Variants in NEK1 observed in about 807,000 individuals in gnomAD.
NEK1 encodes NIMA related kinase 1, also known as serine/threonine-protein kinase Nek1.
In NEK1, 137 loss-of-function variants were observed where a neutral mutation model predicts 182.1. The observed-to-expected ratio is 0.75, with a 90% confidence interval of 0.65 to 0.87. The LOEUF is 0.87. Among genes scored for constraint, NEK1 ranks in the 40% least tolerant of loss-of-function variants. The pLI is 0.00. For synonymous variants in NEK1, 513 were observed against 492.2 expected (o/e 1.04, Z -0.56); for missense variants, 1,391 against 1,494.4 (o/e 0.93, Z 1.14).
At chr4:169,434,175 A>T (rs1036979727) in intron 28 of NEK1, among the ~76,000 whole-genome samples, 5 of 151,964 alleles carry the variant, frequency 3.3e-5, no homozygotes, top group Non-Finnish European at 7.4e-5. Flanking sequence ...ATGGCACTAA[A>T]AATCTATTTT....
chr4:169,535,413 C>T (rs568526525), intron 19 of NEK1, among the ~76,000 whole-genome samples: 3 of 151,518 alleles, frequency 2.0e-5, no homozygotes, highest in East Asian at 3.9e-4. Flanking sequence ...GATTAATGCA[C>T]TTGAAGACAC....
At chr4:169,491,685 T>C (rs755992747) in intron 23 of NEK1, among the ~76,000 whole-genome samples, 1 of 152,178 alleles carries the variant, frequency 6.6e-6, no homozygotes, top group Non-Finnish European at 1.5e-5. Flanking sequence ...AACTCACTGG[T>C]AGAGAGGTAT....
At chr4:169,599,396 T>C (rs1000286906) in intron 4 of NEK1, among the ~76,000 whole-genome samples, 199 bp from the exon 5 acceptor site, 4 of 152,222 alleles carry the variant, frequency 2.6e-5, no homozygotes, top group African/African-American at 9.6e-5. Flanking sequence ...AACTCCATCA[T>C]TAATGATTTC....
At chr4:169,472,813 C>T (rs1223307516) in intron 26 of NEK1, among the ~76,000 whole-genome samples, 1 of 152,136 alleles carries the variant, frequency 6.6e-6, no homozygotes, top group East Asian at 1.9e-4. Context: ...CATGACGGAG[C>T]ATAAACATGC....
intron 19 of NEK1, among the ~76,000 whole-genome samples, chr4:169,526,107 G>A (rs1428912685): frequency 2.0e-5 from 3 of 152,092 alleles, no homozygotes; most frequent in African/African-American, 7.2e-5. Context: ...AAAAACATGT[G>A]GCTTGAAGTC....
At chr4:169,589,641 A>G in intron 6 of NEK1, 127 bp from the exon 7 acceptor site, 1 of 603,012 alleles carries the variant, frequency 1.7e-6, no homozygotes. Flanking sequence ...ATTCACATAC[A>G]AAAGAATAAA....
intron 8 of NEK1, among the ~76,000 whole-genome samples, chr4:169,588,250 T>C (rs908850891): frequency 3.3e-5 from 5 of 152,102 alleles, no homozygotes; most frequent in Middle Eastern, 3.2e-3. Context: ...GGTTTCCTTA[T>C]AAGAAGAGGA....
chr4:169,542,037 T>C (rs146387969), intron 18 of NEK1, among the ~76,000 whole-genome samples: 318 of 152,306 alleles, frequency 2.1e-3, no homozygotes, highest in African/African-American at 7.3e-3. Context: ...CTTTTTGTTT[T>C]ATTACACTTT....
At chr4:169,428,371 T>TATATAA (rs1447545764) in intron 29 of NEK1, among the ~76,000 whole-genome samples, 2 of 144,784 alleles carry the variant, frequency 1.4e-5, no homozygotes, top group African/African-American at 5.0e-5. Context: ...TATATATATA[T>TATATAA]AATGGAATAT....
chr4:169,608,173 AAAG>A (rs993539116), intron 2 of NEK1, among the ~76,000 whole-genome samples: 3 of 152,156 alleles, frequency 2.0e-5, no homozygotes, highest in Non-Finnish European at 4.4e-5. Context: ...AAATATTGAA[AAAG>A]AAGAGCAATG....
chr4:169,392,894 C>A lies in NEK1; in HGVS notation c.*1616G>T, dbSNP rs143409939. Reference sequence around the variant, plus strand: ...TATAATAGACCTTACTGAAAAATAGCCCTTTTCCTCACTGGCATAATCTTT... The same window carrying A: ...TATAATAGACCTTACTGAAAAATAGACCTTTTCCTCACTGGCATAATCTTT... On this transcript the variant is annotated 3_prime_UTR_variant, in exon 36 of 36. Transcript: ENST00000507142. 4.7e-4 allele frequency: 71 copies of A among 152,266 alleles called. No individual in the cohort carries two copies. Among genetic ancestry groups the A allele is most frequent in the African/African-American group, 1.6e-3 (68 of 41,554 alleles). The allele number at this position is 152,266 out of a possible 1,614,324, so 9.4% of individuals were successfully genotyped here.
At chr4:169,471,434 C>T (rs1293526717) in intron 26 of NEK1, among the ~76,000 whole-genome samples, 1 of 152,124 alleles carries the variant, frequency 6.6e-6, no homozygotes, top group Admixed American at 6.5e-5. Context: ...ACCCTGTTTG[C>T]CTGGGTATCT....
At chr4:169,596,412 T>C (rs1413108923) in intron 5 of NEK1, among the ~76,000 whole-genome samples, 3 of 152,206 alleles carry the variant, frequency 2.0e-5, no homozygotes, top group Admixed American at 6.5e-5. Context: ...TATGGTCACA[T>C]GTGGGGAGAC....
chr4:169,415,951 A>G (rs1475658700), intron 31 of NEK1, among the ~76,000 whole-genome samples: 1 of 152,188 alleles, frequency 6.6e-6, no homozygotes, highest in East Asian at 1.9e-4. Context: ...AGGGCGGGGT[A>G]GGAGCAAGAG....
intron 23 of NEK1, among the ~76,000 whole-genome samples, chr4:169,501,755 T>C: frequency 6.6e-6 from 1 of 151,800 alleles, no homozygotes; most frequent in Non-Finnish European, 1.5e-5. Flanking sequence ...TAAAAGCAGT[T>C]AAAAGGAAAG....
At chr4:169,427,316 CAG>C (rs956622271) in intron 29 of NEK1, among the ~76,000 whole-genome samples, 3 of 151,944 alleles carry the variant, frequency 2.0e-5, no homozygotes, top group Non-Finnish European at 4.4e-5. Flanking sequence ...TTAGTAGAGA[CAG>C]AGTTTCATCG....
intron 5 of NEK1, among the ~76,000 whole-genome samples, chr4:169,594,390 C>G (rs1041878231): frequency 5.9e-5 from 9 of 152,098 alleles, no homozygotes; most frequent in African/African-American, 2.2e-4. Context: ...AATGGAAAAA[C>G]TTGAACTTGG....
chr4:169,463,371 T>C lies in NEK1; in HGVS notation c.2459A>G (p.Lys820Arg). 1.2e-6 allele frequency: 2 copies of C among 1,607,962 alleles called. No individual in the cohort carries two copies. The highest frequency in any genetic ancestry group is 1.7e-6 in the Non-Finnish European group (2 of 1,176,216). Reference sequence around the variant, plus strand: ...TCTTGGAGATCCATTAGGACCTAATTTAATAACTTCTCCCACTGTATGTCC... The same window carrying C: ...TCTTGGAGATCCATTAGGACCTAATCTAATAACTTCTCCCACTGTATGTCC... ...TERHTVGEVI[K>R]LGPNGSPRRA... is the part of the protein sequence containing the mutation. The change falls in exon 27 of 36, where the codon AAA (lysine) becomes AGA (arginine). Residue 820 changes from lysine (K) to arginine (R), a missense_variant. Lys to Arg is a conservative substitution (Grantham distance 26). This residue lies in a region of NEK1 where 1,216 missense variants were observed against 1,277.6 expected (regional missense o/e 0.95). Coordinates refer to ENST00000507142, the MANE Select transcript of NEK1 (RefSeq NM_001199397.3).
At chr4:169,498,826 C>T (rs543831068) in intron 23 of NEK1, among the ~76,000 whole-genome samples, 1 of 152,294 alleles carries the variant, frequency 6.6e-6, no homozygotes, top group Non-Finnish European at 1.5e-5. Flanking sequence ...TTCTCTCTGG[C>T]TGCCCTTAAC....
Sources: gnomAD v4.1 joint callset for allele counts (sites outside exome capture counted in the v4.1 genomes callset) on GRCh38, gnomAD v4.1.1 for gene constraint, gnomAD v4.1.1 regional missense constraint, MANE v1.5 for transcripts, NCBI Gene and HGNC (gene_info 2026-07-23, HGNC 2026-07-21) for gene names.